SIPA1L1: variants seen among roughly 807,000 people sequenced by gnomAD.
SIPA1L1 encodes signal-induced proliferation-associated 1-like protein 1.
SIPA1L1 carries 26 observed loss-of-function variants against 162.7 expected under a neutral mutation model. That is an observed-to-expected ratio of 0.16 (90% CI 0.12 to 0.22). The LOEUF (loss-of-function observed/expected upper bound fraction) is 0.22. Among genes scored for constraint, SIPA1L1 ranks in the 10% least tolerant of loss-of-function variants. SIPA1L1 has a pLI of 1.00. For missense variants in SIPA1L1, 1,874 were observed against 2,241.0 expected (o/e 0.84, Z 3.31); for synonymous variants, 829 against 837.4 (o/e 0.99, Z 0.17).
At chr14:71,349,871 C>G (rs2140565947) in intron 2 of SIPA1L1, among the ~76,000 whole-genome samples, 1 of 152,118 alleles carries the variant, frequency 6.6e-6, no homozygotes, top group East Asian at 1.9e-4. Context: ...GTAAGTAATC[C>G]CCAAATATAG....
intron 2 of SIPA1L1, among the ~76,000 whole-genome samples, chr14:71,482,737 G>A (rs1484207125): frequency 6.6e-6 from 1 of 152,162 alleles, no homozygotes; most frequent in Non-Finnish European, 1.5e-5. Flanking sequence ...GTCCTTGTCT[G>A]GGTTCAAAGA....
intron 2 of SIPA1L1, among the ~76,000 whole-genome samples, chr14:71,322,520 T>G (rs902188758): frequency 6.6e-6 from 1 of 152,216 alleles, no homozygotes; most frequent in Non-Finnish European, 1.5e-5. Flanking sequence ...CTCAGCTAAT[T>G]TATTATGGCC....
chr14:71,539,086 G>A (rs2054151399), intron 4 of SIPA1L1, among the ~76,000 whole-genome samples: 1 of 152,160 alleles, frequency 6.6e-6, no homozygotes, highest in South Asian at 2.1e-4. Context: ...CAAGAGCAGA[G>A]AGCCGCATTG....
At chr14:71,733,897 C>T (rs1490738290) in intron 21 of SIPA1L1, 85 bp downstream of exon 21, 2 of 1,407,000 alleles carry the variant, frequency 1.4e-6, no homozygotes, top group Non-Finnish European at 9.6e-7. Context: ...TCTGGACACA[C>T]TCAAAACATA....
At chr14:71,705,112 A>T (rs2082346939) in intron 15 of SIPA1L1, 110 bp from the exon 16 acceptor site, 1 of 775,618 alleles carries the variant, frequency 1.3e-6, no homozygotes, top group African/African-American at 1.7e-5. Context: ...TGAAATGCAG[A>T]GTTTGCTGGT....
intron 4 of SIPA1L1, among the ~76,000 whole-genome samples, chr14:71,530,013 A>G (rs542740601): frequency 3.3e-5 from 5 of 152,344 alleles, no homozygotes; most frequent in Admixed American, 3.3e-4. Context: ...GTCCAGAATC[A>G]CAAGGAAACC....
intron 20 of SIPA1L1, among the ~76,000 whole-genome samples, chr14:71,731,584 G>T (rs2084788016): frequency 6.6e-6 from 1 of 152,090 alleles, no homozygotes; most frequent in Admixed American, 6.5e-5. Flanking sequence ...TTATTTCTCT[G>T]TACTTTTAAT....
intron 2 of SIPA1L1, among the ~76,000 whole-genome samples, chr14:71,447,521 A>G (rs906824094): frequency 1.3e-5 from 2 of 149,002 alleles, no homozygotes; most frequent in Non-Finnish European, 3.0e-5. Context: ...ATACTTTACT[A>G]TGGTTTACTT....
intron 2 of SIPA1L1, among the ~76,000 whole-genome samples, chr14:71,364,086 G>A (rs772666483): frequency 7.2e-5 from 11 of 152,166 alleles, no homozygotes; most frequent in Non-Finnish European, 1.5e-4. Context: ...ACTATTTACT[G>A]TATTAGAAGT....
intron 14 of SIPA1L1, among the ~76,000 whole-genome samples, chr14:71,701,182 G>T (rs1030500834): frequency 3.9e-5 from 6 of 151,946 alleles, no homozygotes; most frequent in Non-Finnish European, 7.4e-5. Flanking sequence ...ATATTGGATG[G>T]GGGTTGGAAC....
At chr14:71,403,670 C>T (rs561650237) in intron 2 of SIPA1L1, among the ~76,000 whole-genome samples, 60 of 151,216 alleles carry the variant, frequency 4.0e-4, no homozygotes, top group Admixed American at 9.9e-4. Context: ...AAATGGCTAT[C>T]CTTTTTATCA....
At chr14:71,434,153 CTCTT>C (rs1365740857) in intron 2 of SIPA1L1, among the ~76,000 whole-genome samples, 1 of 152,202 alleles carries the variant, frequency 6.6e-6, no homozygotes, top group African/African-American at 2.4e-5. Flanking sequence ...ATTTGTTGAA[CTCTT>C]TCTGTGTGGT....
chr14:71,462,183 T>C (rs1383115516), intron 2 of SIPA1L1, among the ~76,000 whole-genome samples: 1 of 152,200 alleles, frequency 6.6e-6, no homozygotes, highest in Admixed American at 6.5e-5. Context: ...CAAAGCCCAG[T>C]AACAGACAAA....
intron 4 of SIPA1L1, among the ~76,000 whole-genome samples, chr14:71,547,899 T>C (rs1267385022): frequency 6.6e-6 from 1 of 152,200 alleles, no homozygotes; most frequent in East Asian, 1.9e-4. Context: ...AACAACCAGC[T>C]GAGCGCGGGT....
At chr14:71,546,625 A>G (rs1368828289) in intron 4 of SIPA1L1, among the ~76,000 whole-genome samples, 1 of 151,430 alleles carries the variant, frequency 6.6e-6, no homozygotes, top group African/African-American at 2.4e-5. Context: ...CAAGTTATCT[A>G]CCGTGCCCGG....
chr14:71,589,967 G>A (rs1441122686), intron 5 of SIPA1L1, among the ~76,000 whole-genome samples: 3 of 138,504 alleles, frequency 2.2e-5, no homozygotes, highest in Admixed American at 7.7e-5. Flanking sequence ...GAAGAGAGAA[G>A]TACCTTTGAC....
At chr14:71,562,373 AG>A (rs1319555933) in intron 4 of SIPA1L1, among the ~76,000 whole-genome samples, 14 of 152,190 alleles carry the variant, frequency 9.2e-5, no homozygotes, top group African/African-American at 3.4e-4. Flanking sequence ...AACTTCATGT[AG>A]AATTTTATTA....
chr14:71,729,938 T>G, intron 19 of SIPA1L1, 117 bp from the exon 20 acceptor site: 1 of 1,128,140 alleles, frequency 8.9e-7, no homozygotes, highest in Non-Finnish European at 1.3e-6. Context: ...GCCCTGAAGC[T>G]TCCTTGCTAG....
rs370979746 is a variant in SIPA1L1, at chr14:71,459,007, G to A, written c.-464-53736G>A. 7.9e-5 allele frequency among the ~76,000 whole-genome samples: 12 copies of A among 151,764 alleles called. No individual in the cohort carries two copies. In the East Asian group the frequency reaches 9.7e-4, roughly 12 times the overall value. ...GAATCGCTTGAACCTGGGAGGCAGA[G>A]TTTGCAGTGAGCCAAGATCATGTCA... On this transcript the variant is annotated intron_variant, in intron 2 of 23. Transcript: ENST00000381232.
Sources: gnomAD v4.1 joint callset for allele counts (sites outside exome capture counted in the v4.1 genomes callset) on GRCh38, gnomAD v4.1.1 for gene constraint, MANE v1.5 for transcripts, NCBI Gene and HGNC (gene_info 2026-07-23, HGNC 2026-07-21) for gene names.